EBF1: variants seen among roughly 807,000 people sequenced by gnomAD.
EBF1 encodes transcription factor COE1.
Under a neutral mutation model 68.4 loss-of-function variants are expected in EBF1, and 10 were observed. The observed-to-expected ratio is 0.15, with a 90% CI of 0.09 to 0.25. The LOEUF (loss-of-function observed/expected upper bound fraction) is 0.25. Ranked by LOEUF, EBF1 falls within the 10% of genes least tolerant of loss-of-function variation. The probability of loss-of-function intolerance (pLI) is 1.00; values close to 1 mark genes in which losing one functional copy is unlikely to be tolerated. For synonymous variants in EBF1, 298 were observed against 299.8 expected (o/e 0.99, Z 0.06); for missense variants, 509 against 794.4 (o/e 0.64, Z 4.32).
intron 7 of EBF1, among the ~76,000 whole-genome samples, chr5:158,825,303 G>A (rs1785826796): frequency 6.6e-6 from 1 of 152,158 alleles, no homozygotes; most frequent in Non-Finnish European, 1.5e-5. Context: ...TTAGAGAGAC[G>A]ACTTCTTAGG....
chr5:158,731,223 C>G, intron 10 of EBF1, 66 bp from the exon 11 acceptor site: 1 of 1,452,484 alleles, frequency 6.9e-7, no homozygotes, highest in Middle Eastern at 1.8e-4. Flanking sequence ...GCTTGCAACA[C>G]TAATGGTGTG....
intron 6 of EBF1, among the ~76,000 whole-genome samples, chr5:159,010,001 C>T (rs1764308280): frequency 6.6e-6 from 1 of 152,122 alleles, no homozygotes; most frequent in South Asian, 2.1e-4. Context: ...AAATATTAAC[C>T]ATTGTACCAA....
chr5:158,931,753 G>A (rs1810934219), intron 6 of EBF1, among the ~76,000 whole-genome samples: 2 of 152,154 alleles, frequency 1.3e-5, no homozygotes, highest in East Asian at 1.9e-4. Context: ...AATGCCAGAT[G>A]AGAATATATA....
intron 6 of EBF1, among the ~76,000 whole-genome samples, chr5:158,924,969 A>C (rs1355511474): frequency 4.6e-5 from 7 of 151,756 alleles, no homozygotes; most frequent in Non-Finnish European, 1.5e-5. Flanking sequence ...TCCAATCTCT[A>C]GCATGGCCCC....
At chr5:158,969,345 A>G (rs1052419563) in intron 6 of EBF1, among the ~76,000 whole-genome samples, 1 of 152,200 alleles carries the variant, frequency 6.6e-6, no homozygotes, top group Non-Finnish European at 1.5e-5. Context: ...TTTGTAGGCT[A>G]AGAAAAGAGA....
rs572887524 is a variant in EBF1, at chr5:158,816,117, C to T, written c.778+7059G>A. The stretch of plus-strand genomic sequence containing the variant: ...ACCAAGATGATCTTGCCTTAGTGGG[C>T]TTGGCTGGGATTCTGCATCAAAACT... On this transcript the variant is annotated intron_variant, in intron 8 of 15. Transcript: ENST00000313708. Among the ~76,000 whole-genome samples, 206 of 152,328 alleles carry T rather than the reference C, an allele frequency of 1.4e-3. 1 individual carries two copies. The highest frequency in any genetic ancestry group is 2.4e-3 in the Non-Finnish European group (160 of 68,024).
chr5:158,923,102 C>T (rs901046112), intron 6 of EBF1, among the ~76,000 whole-genome samples: 7 of 152,224 alleles, frequency 4.6e-5, no homozygotes, highest in Admixed American at 1.3e-4. Flanking sequence ...CAGCAAAACC[C>T]AGGAAGAGCG....
At chr5:158,753,628 T>C (rs927840802) in intron 10 of EBF1, among the ~76,000 whole-genome samples, 1 of 152,166 alleles carries the variant, frequency 6.6e-6, no homozygotes, top group Non-Finnish European at 1.5e-5. Flanking sequence ...CCAAAAACTT[T>C]GAGTGAATGC....
Position 158,880,503 on chromosome 5 carries a change from C to T in EBF1, c.555-40393G>A, listed in dbSNP as rs117742904. On this transcript the variant is annotated intron_variant, in intron 6 of 15. Transcript: ENST00000313708. The stretch of plus-strand genomic sequence containing the variant: ...CATTCCCACACTCCTCTGCCCAGCA[C>T]GGCACTAAACATATGTACATATTTG... Among the ~76,000 whole-genome samples the T allele has an allele frequency of 1.1e-3, 173 of 152,316 alleles. 1 individual carries two copies. The East Asian group carries it at 0.024, about 21-fold the overall frequency.
intron 6 of EBF1, among the ~76,000 whole-genome samples, chr5:159,060,386 T>C (rs551399732): frequency 1.3e-5 from 2 of 152,326 alleles, no homozygotes; most frequent in East Asian, 1.9e-4. Flanking sequence ...ATTTGAAAGA[T>C]AAAATTTGGT....
intron 11 of EBF1, among the ~76,000 whole-genome samples, chr5:158,730,585 A>C (rs6556362): frequency 2.6e-5 from 4 of 152,180 alleles, no homozygotes; most frequent in Non-Finnish European, 5.9e-5. Context: ...GATCTACCAA[A>C]ACATTTTGAG....
chr5:158,781,887 G>A (rs1170710762), intron 9 of EBF1, among the ~76,000 whole-genome samples: 1 of 151,958 alleles, frequency 6.6e-6, no homozygotes. Flanking sequence ...ATCATATTAT[G>A]CCCTGCCTCA....
At chr5:158,938,840 T>C (rs899604072) in intron 6 of EBF1, among the ~76,000 whole-genome samples, 1 of 152,176 alleles carries the variant, frequency 6.6e-6, no homozygotes, top group Non-Finnish European at 1.5e-5. Context: ...ATAATGAATA[T>C]TGGAAAGACA....
At chr5:158,787,875 G>A (rs1236113164) in intron 9 of EBF1, among the ~76,000 whole-genome samples, 1 of 152,180 alleles carries the variant, frequency 6.6e-6, no homozygotes, top group East Asian at 1.9e-4. Context: ...AGACATTTAT[G>A]TGCATACTTA....
rs1782782218 is a variant in EBF1, at chr5:159,097,146, C to T, written c.135-16G>A. ...ACCCACCCCGCTGCGGCCAAAGACG[C>T]AGAGTTAGATGGCTAAACCGGACGC... On this transcript the variant is annotated splice_polypyrimidine_tract_variant and intron_variant, in intron 1 of 15. Coordinates refer to ENST00000313708, the MANE Select transcript of EBF1 (RefSeq NM_024007.5). 6.2e-7 allele frequency: 1 copy of T among 1,611,984 alleles called. No homozygotes were observed. The highest frequency in any genetic ancestry group is 1.3e-5 in the African/African-American group (1 of 74,916).
chr5:158,981,345 G>A (rs1757862933), intron 6 of EBF1, among the ~76,000 whole-genome samples: 1 of 152,144 alleles, frequency 6.6e-6, no homozygotes, highest in Non-Finnish European at 1.5e-5. Context: ...TTTATTGTAT[G>A]TCAAATCAAC....
At chr5:158,921,774 C>T (rs968128515) in intron 6 of EBF1, among the ~76,000 whole-genome samples, 6 of 152,302 alleles carry the variant, frequency 3.9e-5, no homozygotes, top group Middle Eastern at 3.4e-3. Flanking sequence ...TCTTCAACAC[C>T]GCAAGCCCAA....
At chr5:158,778,726 C>T (rs1223521232) in intron 9 of EBF1, among the ~76,000 whole-genome samples, 2 of 152,048 alleles carry the variant, frequency 1.3e-5, no homozygotes, top group African/African-American at 4.8e-5. Context: ...TGCTAAAGCC[C>T]ACAAGTAATT....
At chr5:159,018,916 A>G (rs1766126071) in intron 6 of EBF1, 1 of 152,192 alleles carries the variant, frequency 6.6e-6, no homozygotes, top group African/African-American at 2.4e-5. Flanking sequence ...TAAACTGAAA[A>G]TATGTCTATA....
Sources: allele counts gnomAD v4.1 joint callset (sites outside exome capture counted in the v4.1 genomes callset), GRCh38; gene constraint gnomAD v4.1.1; transcripts MANE v1.5; gene names NCBI Gene and HGNC (gene_info 2026-07-23, HGNC 2026-07-21).